KCNN2: variants seen among roughly 807,000 people sequenced by gnomAD.
KCNN2 encodes the protein potassium calcium-activated channel subfamily N member 2.
A neutral mutation model predicts 55.5 loss-of-function variants in KCNN2; 24 were observed. The ratio of observed to expected loss-of-function variants is 0.43; its 90% CI spans 0.31 to 0.61. The LOEUF (loss-of-function observed/expected upper bound fraction) is 0.61, where lower values mean the gene tolerates loss of function less well. KCNN2 is among the 20% of genes least tolerant of loss of function. KCNN2 has a pLI of 0.08. For synonymous variants in KCNN2, 431 were observed against 336.1 expected (o/e 1.28, Z -3.09); for missense variants, 754 against 853.6 (o/e 0.88, Z 1.45).
chr5:114,088,142 A>G (rs1201301098), intron 1 of KCNN2, among the ~76,000 whole-genome samples: 1 of 152,108 alleles, frequency 6.6e-6, no homozygotes, highest in Non-Finnish European at 1.5e-5. Context: ...TTTTCACTGG[A>G]TATAAAATAT....
At chr5:114,244,233 G>T (rs541775050) in intron 2 of KCNN2, among the ~76,000 whole-genome samples, 15 of 152,078 alleles carry the variant, frequency 9.9e-5, no homozygotes, top group African/African-American at 3.6e-4. Flanking sequence ...GTTGGAGCAC[G>T]CAGTAAACAG....
chr5:114,434,489 T>G (rs1759933016), intron 3 of KCNN2, among the ~76,000 whole-genome samples: 1 of 152,234 alleles, frequency 6.6e-6, no homozygotes, highest in Non-Finnish European at 1.5e-5. Context: ...TGATGCTTGC[T>G]CTGTCTTCAC....
At chr5:114,174,911 A>G (rs1318648628) in intron 1 of KCNN2, among the ~76,000 whole-genome samples, 1 of 152,184 alleles carries the variant, frequency 6.6e-6, no homozygotes, top group African/African-American at 2.4e-5. Context: ...GTGAAACCAA[A>G]GCTGCCCCCA....
intron 2 of KCNN2, among the ~76,000 whole-genome samples, chr5:114,329,816 GTTC>G (rs1403802253): frequency 3.3e-5 from 5 of 152,130 alleles, no homozygotes; most frequent in Non-Finnish European, 5.9e-5. Context: ...TCTTCAATCT[GTTC>G]TTCTTCCTCA....
chr5:114,387,588 A>G (rs1329581640), intron 2 of KCNN2, among the ~76,000 whole-genome samples: 2 of 152,312 alleles, frequency 1.3e-5, no homozygotes, highest in South Asian at 2.1e-4. Context: ...CATGTATCAC[A>G]TGCTTCTGGC....
At chr5:114,127,448 C>A (rs185001048) in intron 1 of KCNN2, among the ~76,000 whole-genome samples, 1 of 152,316 alleles carries the variant, frequency 6.6e-6, no homozygotes, top group East Asian at 1.9e-4. Context: ...ACTCGAGCTG[C>A]ACCTTGGCGT....
rs370473774 is a variant in KCNN2 at position 114,073,394 on chromosome 5, C to T, written c.-271+16894C>T. 2.6e-4 allele frequency among the ~76,000 whole-genome samples: 40 copies of T among 152,238 alleles called. 1 individual carries two copies. In the South Asian group the frequency reaches 8.3e-3, roughly 32 times the overall value. On this transcript the variant is annotated intron_variant, in intron 1 of 10. Transcript: ENST00000512097. ...CACTCTTTTCCTCTAAATCTGTATT[C>T]TAGACTTTATCCCAATGTTCAATTA...
At chr5:114,311,132 C>T (rs1320309945) in intron 2 of KCNN2, among the ~76,000 whole-genome samples, 1 of 151,680 alleles carries the variant, frequency 6.6e-6, no homozygotes, top group Admixed American at 6.6e-5. Flanking sequence ...GACCTTGCGT[C>T]TCTTTGCATC....
chr5:114,287,122 G>A (rs1397984352), intron 2 of KCNN2, among the ~76,000 whole-genome samples: 4 of 152,142 alleles, frequency 2.6e-5, no homozygotes, highest in Admixed American at 2.6e-4. Context: ...GAATACCAAG[G>A]ACCAAAAGAG....
In KCNN2 at chr5:114,100,801, A is replaced by G. The variant is rs1056050052; in HGVS notation, c.-271+44301A>G. ...AGGCCAGAAAATAAGACGTATTCAA[A>G]ACCCGATATGGAGATGTCCATTTTG... On this transcript the variant is annotated intron_variant, in intron 1 of 10. Coordinates refer to the KCNN2 transcript ENST00000512097. Among the ~76,000 whole-genome samples the G allele has an allele frequency of 7.2e-5, 11 of 152,166 alleles. No individual in the cohort carries two copies. The East Asian group carries it at 2.1e-3, about 29-fold the overall frequency.
At chr5:114,194,579 G>T (rs530639635) in intron 1 of KCNN2, among the ~76,000 whole-genome samples, 1 of 152,124 alleles carries the variant, frequency 6.6e-6, no homozygotes, top group East Asian at 1.9e-4. Flanking sequence ...GTAAGGGTTT[G>T]TTACGTATTC....
chr5:114,179,737 T>G (rs1187740314), intron 1 of KCNN2, among the ~76,000 whole-genome samples: 1 of 152,200 alleles, frequency 6.6e-6, no homozygotes, highest in East Asian at 1.9e-4. Context: ...TTCCTCACAG[T>G]AGAGCGTTTA....
chr5:114,094,037 C>T (rs552496193), intron 1 of KCNN2, among the ~76,000 whole-genome samples: 1 of 152,290 alleles, frequency 6.6e-6, no homozygotes, highest in African/African-American at 2.4e-5. Context: ...AAACATTCCA[C>T]CTGCCAAGTA....
intron 2 of KCNN2, among the ~76,000 whole-genome samples, chr5:114,373,639 T>TA (rs1757831642): frequency 7.1e-5 from 7 of 98,922 alleles, no homozygotes; most frequent in Middle Eastern, 4.6e-3. Flanking sequence ...TTATGAAGAT[T>TA]TTATATATAT....
At chr5:114,280,427 G>A (rs1755600200) in intron 2 of KCNN2, among the ~76,000 whole-genome samples, 1 of 152,116 alleles carries the variant, frequency 6.6e-6, no homozygotes, top group Non-Finnish European at 1.5e-5. Flanking sequence ...GATTTTTATG[G>A]TTTTAGGTCT....
At chr5:114,165,649 G>A (rs10051945) in intron 1 of KCNN2, among the ~76,000 whole-genome samples, 74,556 of 151,910 alleles carry the variant, frequency 0.49, 18,446 homozygotes, top group Middle Eastern at 0.56. Flanking sequence ...ATTGTCCTGT[G>A]TGTTGCAATT....
At chr5:114,390,850 T>C (rs1022682167) in intron 2 of KCNN2, among the ~76,000 whole-genome samples, 2 of 152,176 alleles carry the variant, frequency 1.3e-5, no homozygotes, top group African/African-American at 4.8e-5. Flanking sequence ...GTGAACATAA[T>C]TGCATGATAA....
intron 1 of KCNN2, among the ~76,000 whole-genome samples, chr5:114,165,842 T>C (rs1043597836): frequency 6.6e-6 from 1 of 152,156 alleles, no homozygotes; most frequent in East Asian, 1.9e-4. Context: ...TAGTTAAGTT[T>C]TGGAGAAGCC....
chr5:114,204,948 A>G (rs571781670), intron 1 of KCNN2, among the ~76,000 whole-genome samples: 1 of 152,258 alleles, frequency 6.6e-6, no homozygotes, highest in Admixed American at 6.5e-5. Context: ...CACTTTTCAA[A>G]CAATATGCTG....
Sources: allele counts gnomAD v4.1 joint callset (sites outside exome capture counted in the v4.1 genomes callset), GRCh38; gene constraint gnomAD v4.1.1; transcripts MANE v1.5; gene names NCBI Gene and HGNC (gene_info 2026-07-23, HGNC 2026-07-21).